IL15: variants seen among roughly 807,000 people sequenced by gnomAD.
IL15 encodes interleukin-15.
A neutral mutation model predicts 19.6 loss-of-function variants in IL15; 11 were observed. That is an observed-to-expected ratio of 0.56 (90% CI 0.35 to 0.93). The LOEUF is 0.93. IL15 is among the 40% of genes least tolerant of loss of function. The pLI, the probability that IL15 is intolerant of heterozygous loss-of-function variation, is 0.01. For synonymous variants in IL15, 58 were observed against 59.6 expected (o/e 0.97, Z 0.12); for missense variants, 197 against 186.5 (o/e 1.06, Z -0.33).
At chr4:141,726,127 T>C (rs192849053) in intron 5 of IL15, among the ~76,000 whole-genome samples, 64 of 152,232 alleles carry the variant, frequency 4.2e-4, no homozygotes, top group Non-Finnish European at 6.9e-4. Flanking sequence ...CTCTCAATAC[T>C]GCCACATTGG....
intron 2 of IL15, among the ~76,000 whole-genome samples, chr4:141,710,535 G>C (rs1729682902): frequency 6.6e-6 from 1 of 151,822 alleles, no homozygotes. Flanking sequence ...ACTAATGTTA[G>C]TATCCATCTC....
At chr4:141,726,242 A>C (rs1730260587) in intron 5 of IL15, among the ~76,000 whole-genome samples, 1 of 152,172 alleles carries the variant, frequency 6.6e-6, no homozygotes, top group Admixed American at 6.5e-5. Flanking sequence ...GTATGAGAAA[A>C]AAATAAATAA....
Position 141,721,947 on chromosome 4 carries a change from A to G in IL15, c.134A>G (p.Lys45Arg), listed in dbSNP as rs772501759. The change falls in exon 5 of 8, where the codon AAA becomes AGA. Residue 45 changes from lysine to arginine, a missense_variant. Coordinates refer to ENST00000320650, the MANE Select transcript of IL15 (RefSeq NM_000585.5). ...ILGCFSAGLP[K>R]TEANWVNVIS... ...AGCTGTTTCAGTGCAGGGCTTCCTA[A>G]AACAGAAGCCAACTGGGTGAATGTA... 2 of 1,595,874 alleles carry G rather than the reference A, an allele frequency of 1.3e-6. No homozygotes were observed. Among genetic ancestry groups the G allele is most frequent in the African/African-American group, 2.7e-5 (2 of 74,660 alleles).
At chr4:141,696,981 T>A (rs1165937113) in intron 2 of IL15, among the ~76,000 whole-genome samples, 2 of 152,100 alleles carry the variant, frequency 1.3e-5, no homozygotes, top group Non-Finnish European at 2.9e-5. Context: ...CTCTGCTGAT[T>A]ATTTCTCTTG....
chr4:141,695,190 A>T (rs1040632164), intron 2 of IL15, among the ~76,000 whole-genome samples: 2 of 150,536 alleles, frequency 1.3e-5, no homozygotes, highest in African/African-American at 4.9e-5. Flanking sequence ...TCTAATTTTA[A>T]CTTTATACTC....
At chr4:141,657,077 T>C (rs1304729407) in intron 2 of IL15, among the ~76,000 whole-genome samples, 5 of 152,198 alleles carry the variant, frequency 3.3e-5, no homozygotes, top group Middle Eastern at 3.2e-3. Flanking sequence ...ACATGCCTAG[T>C]CTATATGGTA....
intron 2 of IL15, among the ~76,000 whole-genome samples, chr4:141,690,266 G>A (rs1238450189): frequency 2.0e-5 from 3 of 152,198 alleles, no homozygotes; most frequent in African/African-American, 7.2e-5. Flanking sequence ...CAAGCTGAGG[G>A]AGCTGGCTCT....
At chr4:141,643,850 G>A (rs1156325321) in intron 1 of IL15, among the ~76,000 whole-genome samples, 1 of 151,638 alleles carries the variant, frequency 6.6e-6, no homozygotes, top group Non-Finnish European at 1.5e-5. Context: ...GACTCATTTA[G>A]CAGTCTATTT....
chr4:141,719,609 G>A (rs1416456384), intron 3 of IL15, 133 bp downstream of exon 3: 2 of 659,778 alleles, frequency 3.0e-6, no homozygotes, highest in Non-Finnish European at 4.9e-6. Context: ...GTTCACATTT[G>A]GATTGTTCTT....
chr4:141,691,254 C>A (rs967817509), intron 2 of IL15, among the ~76,000 whole-genome samples: 2 of 152,190 alleles, frequency 1.3e-5, no homozygotes, highest in Non-Finnish European at 2.9e-5. Flanking sequence ...CCAATCACCT[C>A]ACACCAGATT....
At chr4:141,651,376 G>A (rs1008250288) in intron 1 of IL15, among the ~76,000 whole-genome samples, 1 of 152,054 alleles carries the variant, frequency 6.6e-6, no homozygotes, top group Non-Finnish European at 1.5e-5. Flanking sequence ...GGGGCTAAGT[G>A]ATGTGTACAC....
intron 1 of IL15, among the ~76,000 whole-genome samples, chr4:141,648,571 T>C (rs1486298173): frequency 6.6e-6 from 1 of 152,028 alleles, no homozygotes; most frequent in Non-Finnish European, 1.5e-5. Flanking sequence ...CTCCTGAGGG[T>C]TTAAGAGAAG....
intron 2 of IL15, among the ~76,000 whole-genome samples, chr4:141,668,027 G>T (rs1246861440): frequency 6.6e-6 from 1 of 152,194 alleles, no homozygotes; most frequent in East Asian, 1.9e-4. Flanking sequence ...AGTTAGTAAA[G>T]TTCCCTTTAC....
chr4:141,685,022 A>C (rs1229184116), intron 2 of IL15, among the ~76,000 whole-genome samples: 1 of 152,156 alleles, frequency 6.6e-6, no homozygotes, highest in East Asian at 1.9e-4. Flanking sequence ...GGGAATTACA[A>C]GGCTGATTTG....
intron 2 of IL15, among the ~76,000 whole-genome samples, chr4:141,701,285 G>T (rs751272943): frequency 2.8e-5 from 4 of 143,854 alleles, no homozygotes; most frequent in African/African-American, 1.0e-4. Context: ...TGGGACTGAG[G>T]TTTTTTTTTT....
chr4:141,700,792 A>T (rs2152181555), intron 2 of IL15, among the ~76,000 whole-genome samples: 1 of 152,278 alleles, frequency 6.6e-6, no homozygotes, highest in Non-Finnish European at 1.5e-5. Context: ...ACATAATCCC[A>T]TATTTCTTGG....
At chr4:141,666,909 T>C (rs1369361688) in intron 2 of IL15, among the ~76,000 whole-genome samples, 1 of 152,214 alleles carries the variant, frequency 6.6e-6, no homozygotes, top group African/African-American at 2.4e-5. Flanking sequence ...TATTAGGTCA[T>C]ACTCTCTTTG....
rs1346835147 is a variant in IL15 at position 141,719,351 on chromosome 4, C to G, written c.-99-15C>G. Reference sequence around the variant, plus strand: ...TAGTGCACTTGTGTTTTTAATGGATCATACTTTACCCTAGATTGTATTGTA... The same window carrying G: ...TAGTGCACTTGTGTTTTTAATGGATGATACTTTACCCTAGATTGTATTGTA... On this transcript the variant is annotated splice_polypyrimidine_tract_variant and intron_variant, in intron 2 of 7. Transcript: ENST00000320650. 9 of 609,634 alleles carry G rather than the reference C, an allele frequency of 1.5e-5. No individual in the cohort carries two copies. The highest frequency in any genetic ancestry group is 2.7e-5 in the Non-Finnish European group (9 of 336,274). 37.8% of individuals were successfully genotyped at this position (609,634 alleles called of 1,614,324 possible).
intron 2 of IL15, among the ~76,000 whole-genome samples, chr4:141,680,557 G>A (rs1728500637): frequency 6.6e-6 from 1 of 152,144 alleles, no homozygotes; most frequent in Non-Finnish European, 1.5e-5. Context: ...GTCTTTATGG[G>A]TTGCCACCCT....
Sources: gnomAD v4.1 joint callset for allele counts (sites outside exome capture counted in the v4.1 genomes callset) on GRCh38, gnomAD v4.1.1 for gene constraint, MANE v1.5 for transcripts, NCBI Gene and HGNC (gene_info 2026-07-23, HGNC 2026-07-21) for gene names.